PCDHA4: variants seen among roughly 807,000 people sequenced by gnomAD.
PCDHA4 encodes the protein protocadherin alpha 4.
Under a neutral mutation model 61.4 loss-of-function variants are expected in PCDHA4, and 49 were observed. The observed-to-expected ratio is 0.80, with a 90% CI of 0.63 to 1.01. PCDHA4 has a LOEUF of 1.01. Among genes scored for constraint, PCDHA4 ranks in the 50% least tolerant of loss-of-function variants. The probability of loss-of-function intolerance (pLI) is 0.00; values close to 1 mark genes in which losing one functional copy is unlikely to be tolerated. For synonymous variants in PCDHA4, 590 were observed against 550.3 expected, an observed-to-expected ratio of 1.07 and a Z score of -1.01; for missense variants, 1,254 against 1,235.8, an observed-to-expected ratio of 1.01 and a Z score of -0.22.
intron 3 of PCDHA4, among the ~76,000 whole-genome samples, chr5:141,003,622 A>G (rs1554259173): frequency 6.6e-6 from 1 of 152,196 alleles, no homozygotes; most frequent in Non-Finnish European, 1.5e-5. Context: ...CCCAGAGGGC[A>G]GTTTTTAAAG....
chr5:140,866,332 C>T (rs907104560), intron 1 of PCDHA4: 2 of 152,020 alleles, frequency 1.3e-5, no homozygotes, highest in Non-Finnish European at 2.9e-5. Flanking sequence ...CTGAACTTGG[C>T]CAAAGGATTC....
chr5:140,918,706 G>A (rs528090085), intron 1 of PCDHA4, among the ~76,000 whole-genome samples: 10 of 152,108 alleles, frequency 6.6e-5, no homozygotes, highest in Non-Finnish European at 1.5e-4. Context: ...AGTCATGAGG[G>A]CAGAGCCCTC....
rs2150160493 is a variant in PCDHA4 at position 140,828,905 on chromosome 5, G to A, written c.2385+19333G>A. ...ACTGAATGCTTCTGATCGGGATGAA[G>A]GAGCGAATGGGGCAATTTCATATTC... On this transcript the variant is annotated intron_variant, in intron 1 of 3. Coordinates refer to ENST00000530339, the MANE Select transcript of PCDHA4 (RefSeq NM_018907.4). 3 of 1,614,136 alleles carry A rather than the reference G, an allele frequency of 1.9e-6. No individual in the cohort carries two copies. In the Admixed American group the frequency reaches 5.0e-5, roughly 27 times the overall value.
chr5:140,863,770 G>A (rs953823411), intron 1 of PCDHA4: 6 of 240,128 alleles, frequency 2.5e-5, no homozygotes, highest in Non-Finnish European at 4.1e-5. Context: ...AAGCCGAGGC[G>A]GGCGGATCAC....
intron 1 of PCDHA4, among the ~76,000 whole-genome samples, chr5:140,941,183 T>C (rs2092749314): frequency 8.3e-6 from 1 of 120,094 alleles, no homozygotes; most frequent in African/African-American, 3.0e-5. Flanking sequence ...AACATCCTGC[T>C]TCTTTTTTTT....
chr5:140,958,265 C>A (rs1010851166), intron 1 of PCDHA4, among the ~76,000 whole-genome samples: 1 of 151,680 alleles, frequency 6.6e-6, no homozygotes, highest in Admixed American at 6.6e-5. Flanking sequence ...TAATTTGGTA[C>A]AAGAAGTATA....
Position 140,843,466 on chromosome 5 carries a change from G to T in PCDHA4, c.2385+33894G>T. ...TATCCAGCCTGCTGGTGCTCACGCT[G>T]CTGCTGTACACTGCGCTGCGGTGCT... On this transcript the variant is annotated intron_variant, in intron 1 of 3. Coordinates refer to ENST00000530339, the MANE Select transcript of PCDHA4 (RefSeq NM_018907.4). 2 of 1,596,074 alleles carry T rather than the reference G, an allele frequency of 1.3e-6. 1 individual carries two copies.
Position 140,883,886 on chromosome 5 carries a change from T to G in PCDHA4, c.2385+74314T>G, listed in dbSNP as rs147704126. ...GCAGTTCCAGGTGAGCGCGCGCGAC[T>G]CTGGCGTGCCGCCTCTGGGCAGCAA... On this transcript the variant is annotated intron_variant, in intron 1 of 3. Transcript: ENST00000530339. The G allele has an allele frequency of 2.5e-5, 41 of 1,613,036 alleles. No homozygotes were observed. The African/African-American group carries it at 2.7e-4, about 11-fold the overall frequency.
chr5:140,938,086 TTTA>T (rs1189650554), intron 1 of PCDHA4, among the ~76,000 whole-genome samples: 6 of 152,142 alleles, frequency 3.9e-5, no homozygotes, highest in African/African-American at 1.4e-4. Flanking sequence ...TAATGTTAGT[TTTA>T]TTATTGTATT....
Position 140,856,075 on chromosome 5 carries a change from G to T in PCDHA4, c.2385+46503G>T. 2 of 1,593,334 alleles carry T rather than the reference G, an allele frequency of 1.3e-6. 1 individual carries two copies. The highest frequency in any genetic ancestry group is 1.7e-6 in the Non-Finnish European group (2 of 1,164,466). Reference sequence around the variant, plus strand: ...TGGTTTCCAGATGTAGCTGCCTGGGGGTCCAGTGTCTGCTGCTCTCGCTTC... The same window carrying T: ...TGGTTTCCAGATGTAGCTGCCTGGGTGTCCAGTGTCTGCTGCTCTCGCTTC... On this transcript the variant is annotated intron_variant, in intron 1 of 3. Transcript: ENST00000530339.
In PCDHA4 at chr5:140,996,437, G is replaced by A. The variant is rs1013018828; in HGVS notation, c.2534-13190G>A. On this transcript the variant is annotated intron_variant, in intron 3 of 3. Coordinates refer to ENST00000530339, the MANE Select transcript of PCDHA4 (RefSeq NM_018907.4). Reference sequence around the variant, plus strand: ...AGTGTGAAAACTTTGGGAATAGTCAGTGTCAAGTTGTGGTGCTAAGGGAGG... The same window carrying A: ...AGTGTGAAAACTTTGGGAATAGTCAATGTCAAGTTGTGGTGCTAAGGGAGG... Among the ~76,000 whole-genome samples the A allele has an allele frequency of 4.6e-5, 7 of 152,224 alleles. 1 individual carries two copies. The highest frequency in any genetic ancestry group is 2.6e-4 in the Admixed American group (4 of 15,280).
At chr5:140,898,664 G>C (rs1360946717) in intron 1 of PCDHA4, among the ~76,000 whole-genome samples, 1 of 152,190 alleles carries the variant, frequency 6.6e-6, no homozygotes, top group Non-Finnish European at 1.5e-5. Flanking sequence ...GATTGACTTG[G>C]TGTTGCGGGC....
At chr5:140,859,459 C>G (rs1379028308) in intron 1 of PCDHA4, 1 of 216,756 alleles carries the variant, frequency 4.6e-6, no homozygotes, top group Non-Finnish European at 8.9e-6. Context: ...AGTGACAAAA[C>G]TACACTATCA....
chr5:140,850,692 G>A lies in PCDHA4; in HGVS notation c.2385+41120G>A, dbSNP rs2150494456. The A allele has an allele frequency of 1.9e-6, 3 of 1,598,344 alleles. 1 individual carries two copies. The Admixed American group carries it at 5.1e-5, about 27-fold the overall frequency. On this transcript the variant is annotated intron_variant, in intron 1 of 3. Transcript: ENST00000530339. ...GGCGATGCCCACCGAGGGCGAGTGC[G>A]CGCCTGGCAAGCCGACGCTGGTGTG...
Position 140,822,183 on chromosome 5 carries a change from A to G in PCDHA4, c.2385+12611A>G, listed in dbSNP as rs150835917. The G allele has an allele frequency of 1.6e-4, 258 of 1,614,250 alleles. 1 individual carries two copies. The African/African-American group carries it at 3.0e-3, about 19-fold the overall frequency. ...ATCCGCCCAGGTTCTCCAGACAAGA[A>G]CAAAGATTATTCATTTTAGAGTCAA... On this transcript the variant is annotated intron_variant, in intron 1 of 3. Coordinates refer to ENST00000530339, the MANE Select transcript of PCDHA4 (RefSeq NM_018907.4).
At chr5:140,966,882 C>A (rs782464160) in intron 1 of PCDHA4, 1 of 1,589,690 alleles carries the variant, frequency 6.3e-7, no homozygotes, top group Non-Finnish European at 8.5e-7. Context: ...CTACCTGGCC[C>A]TGCGGCCTCC....
At chr5:140,898,930 G>A (rs2067050521) in intron 1 of PCDHA4, among the ~76,000 whole-genome samples, 1 of 152,054 alleles carries the variant, frequency 6.6e-6, no homozygotes, top group African/African-American at 2.4e-5. Context: ...GGATTCCTAA[G>A]TATTTTATTC....
At position 140,848,645 on chromosome 5, in the gene PCDHA4, G is replaced by T; in HGVS notation, c.2385+39073G>T. 1.9e-6 allele frequency: 3 copies of T among 1,593,204 alleles called. 1 individual carries two copies. The highest frequency in any genetic ancestry group is 2.6e-6 in the Non-Finnish European group (3 of 1,163,878). Reference sequence around the variant, plus strand: ...GCACCTTCGTGGGCCGCATCGCGCAGGACCTGGGGCTGGAGCTGGCGGAGC... The same window carrying T: ...GCACCTTCGTGGGCCGCATCGCGCATGACCTGGGGCTGGAGCTGGCGGAGC... On this transcript the variant is annotated intron_variant, in intron 1 of 3. Coordinates refer to ENST00000530339, the MANE Select transcript of PCDHA4 (RefSeq NM_018907.4).
rs370989006 is a variant in PCDHA4, at chr5:141,009,739, C to G, written c.2646C>G (p.Pro882=). The G allele has an allele frequency of 1.2e-6, 2 of 1,614,010 alleles. No homozygotes were observed. Among genetic ancestry groups the G allele is most frequent in the Non-Finnish European group, 8.5e-7 (1 of 1,180,008 alleles). The change falls in exon 4 of 4, where the codon CCC becomes CCG. Residue 882 remains proline (P), a synonymous_variant. Transcript: ENST00000530339. ...AACAATCCGGTCCCGGTGAGTTGCCCGACAAATTCATTATCCCAGGATCTC... is the reference window on the plus strand; with the variant it reads ...AACAATCCGGTCCCGGTGAGTTGCCGGACAAATTCATTATCCCAGGATCTC... The part of the protein sequence containing the change: ...NPKQSGPGEL[P]DKFIIPGSPA...
Sources: allele counts gnomAD v4.1 joint callset (sites outside exome capture counted in the v4.1 genomes callset), GRCh38; gene constraint gnomAD v4.1.1; transcripts MANE v1.5; gene names NCBI Gene and HGNC (gene_info 2026-07-23, HGNC 2026-07-21).